NPSR1: variants seen among roughly 807,000 people sequenced by gnomAD.
NPSR1 encodes neuropeptide S receptor.
Under a neutral mutation model 46.9 loss-of-function variants are expected in NPSR1, and 48 were observed. The observed-to-expected ratio is 1.02, with a 90% confidence interval of 0.81 to 1.30. NPSR1 has a LOEUF of 1.30. NPSR1 is among the 50% of genes most tolerant of loss of function. The pLI is 0.00. For missense variants in NPSR1, 450 were observed against 449.5 expected (o/e 1.00, Z -0.01); for synonymous variants, 176 against 168.1 (o/e 1.05, Z -0.36).
rs1394935617 is a variant in NPSR1, at chr7:34,811,811, C to G, written c.426C>G (p.Leu142=). ...CCTCTACCTACGTCCTGGTGTCCCT[C>G]AGCATAGACAGATACCATGCCATCG... is the stretch of plus-strand genomic sequence containing the variant. ...LYASTYVLVS[L]SIDRYHAIVY... is the part of the protein sequence containing the mutation. The change falls in exon 4 of 9, where the codon CTC becomes CTG. Residue 142 remains leucine, a synonymous_variant. Transcript: ENST00000360581. The G allele has an allele frequency of 1.2e-6, 2 of 1,613,478 alleles. No individual in the cohort carries two copies. Among genetic ancestry groups the G allele is most frequent in the African/African-American group, 2.7e-5 (2 of 74,858 alleles).
chr7:34,663,241 G>C (rs1054944732), intron 1 of NPSR1, among the ~76,000 whole-genome samples: 4 of 151,898 alleles, frequency 2.6e-5, no homozygotes, highest in African/African-American at 9.7e-5. Context: ...GTTCCCATCC[G>C]ACCTGTGTCA....
chr7:34,848,574 T>C lies in NPSR1; in HGVS notation c.936T>C (p.Ser312=). 2 of 1,614,200 alleles carry C rather than the reference T, an allele frequency of 1.2e-6. No individual in the cohort carries two copies. Residue 312 remains serine (S), a synonymous_variant, in exon 8 of 9, where the codon TCT becomes TCC. Transcript: ENST00000360581. ...LPDTQERFYA[S]VIIQNLPALN... is the part of the protein sequence containing the mutation. ...ACACCCAGGAGCGTTTCTATGCCTC[T>C]GTGATCATTCAGAACCTGCCAGCAT...
intron 2 of NPSR1, among the ~76,000 whole-genome samples, chr7:34,716,079 T>G (rs556551784): frequency 6.6e-6 from 1 of 152,034 alleles, no homozygotes; most frequent in Non-Finnish European, 1.5e-5. Context: ...TACAACAAAT[T>G]ATGCTTGAGA....
At chr7:34,751,775 C>T in intron 2 of NPSR1, 1 of 1,588,866 alleles carries the variant, frequency 6.3e-7, no homozygotes, top group South Asian at 1.1e-5. Flanking sequence ...GCCTGTTTTG[C>T]ACAGCCCTGC....
chr7:34,844,411 C>A (rs1790676356), intron 6 of NPSR1, among the ~76,000 whole-genome samples: 1 of 152,070 alleles, frequency 6.6e-6, no homozygotes, highest in Non-Finnish European at 1.5e-5. Context: ...TTCTGATACC[C>A]CTGGCTTGAG....
intron 3 of NPSR1, among the ~76,000 whole-genome samples, chr7:34,810,619 G>A (rs539165344): frequency 6.6e-6 from 1 of 152,170 alleles, no homozygotes. Context: ...ATCATCTCTT[G>A]ACTCCCACTG....
chr7:34,812,005 C>T, intron 4 of NPSR1, 142 bp downstream of exon 4: 2 of 618,932 alleles, frequency 3.2e-6, no homozygotes, highest in Non-Finnish European at 5.7e-6. Context: ...TCTCCTCTTC[C>T]ACCTCTTTCC....
intron 3 of NPSR1, among the ~76,000 whole-genome samples, chr7:34,788,799 C>A (rs889032048): frequency 5.8e-4 from 88 of 152,002 alleles, no homozygotes; most frequent in African/African-American, 2.0e-3. Context: ...CACTTTAGAC[C>A]AAATGGACCT....
chr7:34,847,384 T>G (rs1790773157), intron 7 of NPSR1, among the ~76,000 whole-genome samples: 1 of 148,330 alleles, frequency 6.7e-6, no homozygotes, highest in Non-Finnish European at 1.5e-5. Context: ...TCGTAGTCTG[T>G]GCTTTCCAGA....
intron 2 of NPSR1, among the ~76,000 whole-genome samples, chr7:34,772,947 T>C (rs1189583954): frequency 6.6e-6 from 1 of 152,096 alleles, no homozygotes; most frequent in Non-Finnish European, 1.5e-5. Flanking sequence ...GAGTCCAAAG[T>C]GCCCTGGTGG....
At chr7:34,777,725 A>G (rs1379615404) in intron 2 of NPSR1, among the ~76,000 whole-genome samples, 1 of 152,042 alleles carries the variant, frequency 6.6e-6, no homozygotes, top group Non-Finnish European at 1.5e-5. Flanking sequence ...TAAATTAGTG[A>G]TGTCTGTCAT....
At chr7:34,869,138 T>C (rs1283246514) in intron 8 of NPSR1, among the ~76,000 whole-genome samples, 1 of 151,768 alleles carries the variant, frequency 6.6e-6, no homozygotes, top group Non-Finnish European at 1.5e-5. Flanking sequence ...GAATGTCTAC[T>C]CCACGACAGG....
intron 3 of NPSR1, among the ~76,000 whole-genome samples, chr7:34,789,025 T>C (rs2128741995): frequency 6.6e-6 from 1 of 151,546 alleles, no homozygotes; most frequent in Non-Finnish European, 1.5e-5. Context: ...AACGTGAAAA[T>C]TAAACAAGAG....
chr7:34,658,284 T>C lies in NPSR1; in HGVS notation c.-129T>C. 3.2e-6 allele frequency: 3 copies of C among 941,606 alleles called. No individual in the cohort carries two copies. The highest frequency in any genetic ancestry group is 3.3e-5 in the South Asian group (2 of 60,886). 58.3% of individuals were successfully genotyped at this position (941,606 alleles called of 1,614,324 possible). On this transcript the variant is annotated 5_prime_UTR_variant, in exon 1 of 9. Transcript: ENST00000360581. ...CATCAGGCAGAGCTCTTCAGTGAGG[T>C]GGGCTCAGGGAGGGCTCTGTGCCTC...
At chr7:34,754,867 T>C (rs1785740327) in intron 2 of NPSR1, among the ~76,000 whole-genome samples, 1 of 152,232 alleles carries the variant, frequency 6.6e-6, no homozygotes, top group South Asian at 2.1e-4. Context: ...CCACATTTCA[T>C]ATAAATGGAA....
At chr7:34,700,222 T>TGGAAGGAA (rs569169881) in intron 2 of NPSR1, among the ~76,000 whole-genome samples, 1 of 151,716 alleles carries the variant, frequency 6.6e-6, no homozygotes, top group Non-Finnish European at 1.5e-5. Flanking sequence ...ACAACAGAGC[T>TGGAAGGAA]GGAAGGAAGG....
intron 1 of NPSR1, among the ~76,000 whole-genome samples, chr7:34,669,877 C>T (rs999290450): frequency 2.6e-5 from 4 of 152,060 alleles, no homozygotes; most frequent in African/African-American, 9.7e-5. Flanking sequence ...GCTCAGCTGT[C>T]GAGAGGATCG....
At chr7:34,687,452 T>C (rs1172530728) in intron 2 of NPSR1, among the ~76,000 whole-genome samples, 3 of 152,280 alleles carry the variant, frequency 2.0e-5, no homozygotes, top group Non-Finnish European at 4.4e-5. Context: ...CTGAGGAAAC[T>C]TATTAATACA....
intron 3 of NPSR1, among the ~76,000 whole-genome samples, chr7:34,804,974 C>A (rs569702594): frequency 3.3e-5 from 5 of 151,702 alleles, no homozygotes; most frequent in African/African-American, 9.7e-5. Context: ...AGGTGTAAAT[C>A]TAACAAAATA....
Sources: gnomAD v4.1 joint callset for allele counts (sites outside exome capture counted in the v4.1 genomes callset) on GRCh38, gnomAD v4.1.1 for gene constraint, MANE v1.5 for transcripts, NCBI Gene and HGNC (gene_info 2026-07-23, HGNC 2026-07-21) for gene names.